The following PCDHGA1 variants were observed in gnomAD, a reference collection of about 807,000 sequenced individuals.
The protein encoded by PCDHGA1 is protocadherin gamma subfamily A, 1, also known as protocadherin gamma-A1.
Under a neutral mutation model 58.0 loss-of-function variants are expected in PCDHGA1, and 32 were observed. The observed-to-expected ratio is 0.55, with a 90% CI of 0.42 to 0.74. The LOEUF is 0.74. Among genes scored for constraint, PCDHGA1 ranks in the 30% least tolerant of loss-of-function variants. The probability of loss-of-function intolerance (pLI) is 0.00; values close to 1 mark genes in which losing one functional copy is unlikely to be tolerated. For synonymous variants in PCDHGA1, 498 were observed against 501.1 expected, an observed-to-expected ratio of 0.99 and a Z score of 0.08; for missense variants, 1,205 against 1,182.3, an observed-to-expected ratio of 1.02 and a Z score of -0.28.
chr5:141,394,528 C>A (rs1465272752), intron 1 of PCDHGA1: 1 of 1,614,214 alleles, frequency 6.2e-7, no homozygotes, highest in Non-Finnish European at 8.5e-7. Flanking sequence ...ACAGACGGTT[C>A]CACTGGCGTG....
At chr5:141,394,992 G>T (rs1392246245) in intron 1 of PCDHGA1, 50 of 1,614,044 alleles carry the variant, frequency 3.1e-5, no homozygotes, top group Non-Finnish European at 4.2e-5. Context: ...CCTGCTCCAG[G>T]ATTCCGGTGG....
chr5:141,417,644 AG>A, intron 1 of PCDHGA1: 1 of 779,202 alleles, frequency 1.3e-6, no homozygotes, highest in South Asian at 2.1e-5. Flanking sequence ...GGGATCCCTC[AG>A]CCTCTAGCCT....
At chr5:141,370,519 A>G (rs1766991925) in intron 1 of PCDHGA1, 1 of 1,613,730 alleles carries the variant, frequency 6.2e-7, no homozygotes, top group South Asian at 1.1e-5. Context: ...GAGGAGCTGG[A>G]CAGGGGCTCG....
At chr5:141,339,906 C>T (rs552308374) in intron 1 of PCDHGA1, 1 of 1,614,134 alleles carries the variant, frequency 6.2e-7, no homozygotes, top group Admixed American at 1.7e-5. Context: ...TATGAGGATG[C>T]TACATTCCAT....
At chr5:141,379,257 AG>A (rs1177830899) in intron 1 of PCDHGA1, 8 of 152,234 alleles carry the variant, frequency 5.3e-5, no homozygotes, top group Non-Finnish European at 1.2e-4. Flanking sequence ...TTTACATTTA[AG>A]GAATTGTTAT....
At chr5:141,394,239 G>A (rs530540432) in intron 1 of PCDHGA1, 1 of 1,613,868 alleles carries the variant, frequency 6.2e-7, no homozygotes, top group South Asian at 1.1e-5. Flanking sequence ...TTCCTTGACT[G>A]CACACGACCC....
chr5:141,338,733 T>TA, intron 1 of PCDHGA1: 2 of 1,034,508 alleles, frequency 1.9e-6, no homozygotes, highest in Non-Finnish European at 2.5e-6. Flanking sequence ...GTTGACCACC[T>TA]AAGGAGTAAA....
intron 2 of PCDHGA1, among the ~76,000 whole-genome samples, chr5:141,501,223 T>G (rs1247662371): frequency 6.6e-6 from 1 of 151,280 alleles, no homozygotes; most frequent in African/African-American, 2.4e-5. Flanking sequence ...CTTCCTAGAT[T>G]TCTCAGTTTT....
At chr5:141,383,933 C>T (rs963043498) in intron 1 of PCDHGA1, 3 of 1,613,844 alleles carry the variant, frequency 1.9e-6, no homozygotes, top group East Asian at 2.2e-5. Context: ...GATAATGCTC[C>T]AGAAGTGACT....
intron 1 of PCDHGA1, chr5:141,385,530 A>T (rs1020257746): frequency 2.5e-4 from 336 of 1,356,078 alleles, no homozygotes; most frequent in Non-Finnish European, 2.9e-4. Flanking sequence ...GGACAAGATT[A>T]TGAATATGTG....
chr5:141,344,720 A>G (rs1480095301), intron 1 of PCDHGA1: 2 of 1,613,808 alleles, frequency 1.2e-6, no homozygotes, highest in Non-Finnish European at 1.7e-6. Flanking sequence ...TGCACATCCA[A>G]GTGATAGTCC....
In PCDHGA1 at chr5:141,340,257, A is replaced by T. The variant is rs76916777; in HGVS notation, c.2421+7152A>T. 832 of 1,613,918 alleles carry T rather than the reference A, an allele frequency of 5.2e-4. 3 individuals carry two copies. The African/African-American group carries it at 8.8e-3, about 17-fold the overall frequency. ...ACTCTAACCGCTAAAGATGGAGGGA[A>T]CCCCTCCCTGTCCACGGATGCTCAC... On this transcript the variant is annotated intron_variant, in intron 1 of 3. Transcript: ENST00000517417.
chr5:141,422,028 A>C, intron 1 of PCDHGA1: 1 of 1,611,196 alleles, frequency 6.2e-7, no homozygotes, highest in Non-Finnish European at 8.5e-7. Flanking sequence ...TGGTTAATGC[A>C]ACGGATCCAG....
At chr5:141,409,435 C>T in intron 1 of PCDHGA1, 2 of 1,613,994 alleles carry the variant, frequency 1.2e-6, no homozygotes, top group Non-Finnish European at 1.7e-6. Context: ...GAGCCCTGGA[C>T]CGAGAGCAGA....
intron 1 of PCDHGA1, among the ~76,000 whole-genome samples, chr5:141,455,959 G>T (rs112864392): frequency 0.11 from 16,680 of 150,504 alleles, 1,459 homozygotes; most frequent in African/African-American, 0.24. Context: ...GTGCAGTGGC[G>T]CGATCTCAGC....
chr5:141,485,625 G>A lies in PCDHGA1; in HGVS notation c.2422-9182G>A, dbSNP rs1458191111. On this transcript the variant is annotated intron_variant, in intron 1 of 3. Coordinates refer to ENST00000517417, the MANE Select transcript of PCDHGA1 (RefSeq NM_018912.3). This position sits in a 1 kb window ranked among gnomAD's most constrained non-coding sequence, Gnocchi z 5.7. ...GGGGAGGCAGCTCCTCCAGGACAGC[G>A]TTTCCCGTTGGAAAAGGCTCAGGAT... is the stretch of plus-strand genomic sequence containing the variant. The A allele has an allele frequency of 1.2e-6, 2 of 1,611,968 alleles. No homozygotes were observed. The highest frequency in any genetic ancestry group is 3.3e-5 in the Admixed American group (2 of 59,916).
chr5:141,447,428 G>C (rs542079336), intron 1 of PCDHGA1, among the ~76,000 whole-genome samples: 1 of 152,184 alleles, frequency 6.6e-6, no homozygotes, highest in African/African-American at 2.4e-5. Flanking sequence ...GTGAGCCACC[G>C]CACCCGGAGG....
In PCDHGA1 at chr5:141,414,189, G is replaced by C. The variant is rs1674006167; in HGVS notation, c.2422-80618G>C. ...CATATCTTGCAACTGCAAAAGTGTT[G>C]ATTACAGTAGAAGATGTAAATGACA... On this transcript the variant is annotated intron_variant, in intron 1 of 3. Transcript: ENST00000517417. 3.1e-6 allele frequency: 5 copies of C among 1,609,966 alleles called. No homozygotes were observed. The highest frequency in any genetic ancestry group is 3.4e-6 in the Non-Finnish European group (4 of 1,177,924).
At chr5:141,365,867 G>A in intron 1 of PCDHGA1, 2 of 1,614,096 alleles carry the variant, frequency 1.2e-6, no homozygotes, top group Non-Finnish European at 1.7e-6. Flanking sequence ...TGACACCGGT[G>A]TCCTGTATGC....
Sources: allele counts gnomAD v4.1 joint callset (sites outside exome capture counted in the v4.1 genomes callset), GRCh38; gene constraint gnomAD v4.1.1; non-coding constraint Gnocchi (gnomAD v3.1); transcripts MANE v1.5; gene names NCBI Gene and HGNC (gene_info 2026-07-23, HGNC 2026-07-21).